SVOPL: variants seen among roughly 807,000 people sequenced by gnomAD.
SVOPL encodes the protein putative transporter SVOPL.
Under a neutral mutation model 61.0 loss-of-function variants are expected in SVOPL, and 60 were observed. The ratio of observed to expected loss-of-function variants is 0.98; its 90% CI spans 0.80 to 1.22. The LOEUF (loss-of-function observed/expected upper bound fraction) is 1.22, where lower values mean the gene tolerates loss of function less well. Among genes scored for constraint, SVOPL ranks in the 50% most tolerant of loss-of-function variants. The probability of loss-of-function intolerance (pLI) is 0.00; values close to 1 mark genes in which losing one functional copy is unlikely to be tolerated. For synonymous variants in SVOPL, 279 were observed against 250.0 expected (o/e 1.12, Z -1.09); for missense variants, 662 against 643.9 (o/e 1.03, Z -0.30).
At chr7:138,641,812 TG>T (rs1352186521) in intron 9 of SVOPL, among the ~76,000 whole-genome samples, 668 of 28,956 alleles carry the variant, frequency 0.023, 5 homozygotes, top group African/African-American at 0.056. Context: ...AATATATATA[TG>T]TTATATATAT....
chr7:138,672,240 C>G (rs978913069), intron 3 of SVOPL, 123 bp from the exon 4 acceptor site: 2 of 808,356 alleles, frequency 2.5e-6, no homozygotes, highest in African/African-American at 3.4e-5. Context: ...CAGGGAGGAT[C>G]TATTGTATAC....
intron 14 of SVOPL, among the ~76,000 whole-genome samples, chr7:138,608,302 C>T (rs1297368414): frequency 1.3e-5 from 2 of 152,144 alleles, no homozygotes; most frequent in East Asian, 3.8e-4. Context: ...TTAGAACAGC[C>T]AGTTTAAAAA....
intron 13 of SVOPL, among the ~76,000 whole-genome samples, chr7:138,622,073 TC>T (rs1390432667): frequency 6.9e-5 from 5 of 72,572 alleles, no homozygotes; most frequent in African/African-American, 2.7e-4. Flanking sequence ...TATCTATGTA[TC>T]TATCTATCTA....
At chr7:138,660,168 G>A (rs1039953268) in intron 5 of SVOPL, 180 bp from the exon 6 acceptor site, 55 of 1,379,080 alleles carry the variant, frequency 4.0e-5, no homozygotes, top group Non-Finnish European at 5.1e-5. Flanking sequence ...CCATTCTACT[G>A]TCTGGAAGCC....
intron 13 of SVOPL, among the ~76,000 whole-genome samples, chr7:138,625,653 A>G (rs1252995449): frequency 6.6e-6 from 1 of 152,220 alleles, no homozygotes; most frequent in Non-Finnish European, 1.5e-5. Flanking sequence ...AAAGAGAGAA[A>G]GGAAATTCTA....
At position 138,644,756 on chromosome 7, in the gene SVOPL, G is replaced by A. The variant is rs553978452; in HGVS notation, c.750C>T (p.Arg250=). Residue 250 remains arginine (R), a synonymous_variant, in exon 9 of 16, where the codon CGC becomes CGT. Coordinates refer to ENST00000674285, the MANE Select transcript of SVOPL (RefSeq NM_001139456.2). ...ATLERVAKMN[R]SVMPEGKLVE... ...CCAGCTTCCCCTCCGGCATGACCGA[G>A]CGGTTCATCTTGGCAACGCGCTCCA... 2.4e-5 allele frequency: 39 copies of A among 1,614,164 alleles called. 1 individual carries two copies. In the South Asian group the frequency reaches 4.1e-4, roughly 17 times the overall value.
chr7:138,606,956 G>C (rs62485282), intron 14 of SVOPL, among the ~76,000 whole-genome samples: 1 of 137,398 alleles, frequency 7.3e-6, no homozygotes, highest in African/African-American at 2.5e-5. Context: ...TCTGTCTCAA[G>C]AAAACAAAAC....
chr7:138,641,926 T>TACAC (rs34233604), intron 9 of SVOPL, among the ~76,000 whole-genome samples: 8 of 146,046 alleles, frequency 5.5e-5, no homozygotes, highest in Admixed American at 2.8e-4. Context: ...TGTATGTGTA[T>TACAC]ACACACACAC....
chr7:138,595,266 A>G (rs1012023785), intron 15 of SVOPL, among the ~76,000 whole-genome samples: 1 of 152,182 alleles, frequency 6.6e-6, no homozygotes, highest in African/African-American at 2.4e-5. Flanking sequence ...TAGAAGCTGT[A>G]TTGGTGTCAG....
chr7:138,661,166 C>G (rs1345929841), intron 5 of SVOPL: 1 of 985,222 alleles, frequency 1.0e-6, no homozygotes. Context: ...TGTGTTTATG[C>G]TCAGAGAGGA....
chr7:138,654,310 G>A (rs898515346), intron 7 of SVOPL, among the ~76,000 whole-genome samples: 2 of 152,066 alleles, frequency 1.3e-5, no homozygotes, highest in Admixed American at 6.6e-5. Flanking sequence ...GAGATAAGAT[G>A]ATGTATATCC....
intron 14 of SVOPL, among the ~76,000 whole-genome samples, chr7:138,608,314 C>G (rs1306778555): frequency 6.6e-6 from 1 of 152,170 alleles, no homozygotes; most frequent in Admixed American, 6.5e-5. Flanking sequence ...GTTTAAAAAA[C>G]GTGCTATAAA....
intron 7 of SVOPL, among the ~76,000 whole-genome samples, chr7:138,649,977 G>A (rs980664343): frequency 5.3e-5 from 8 of 151,866 alleles, no homozygotes; most frequent in South Asian, 4.2e-4. Context: ...CATTATAGGC[G>A]CGTGCCACCA....
chr7:138,603,453 G>A (rs1209817733), intron 14 of SVOPL, among the ~76,000 whole-genome samples: 1 of 152,172 alleles, frequency 6.6e-6, no homozygotes, highest in East Asian at 1.9e-4. Context: ...GAAGGCTGAG[G>A]CAGGTGGATC....
At chr7:138,629,484 C>T (rs1446973576) in intron 10 of SVOPL, among the ~76,000 whole-genome samples, 1 of 152,110 alleles carries the variant, frequency 6.6e-6, no homozygotes, top group Non-Finnish European at 1.5e-5. Flanking sequence ...CCGCCTGTCT[C>T]GGCCTCCCAA....
At chr7:138,596,059 C>T (rs866421193) in intron 15 of SVOPL, among the ~76,000 whole-genome samples, 12 of 151,614 alleles carry the variant, frequency 7.9e-5, no homozygotes, top group Non-Finnish European at 1.6e-4. Context: ...CATGGTGGCA[C>T]GTGCATGTAG....
At chr7:138,675,861 C>T (rs1026325156) in intron 3 of SVOPL, among the ~76,000 whole-genome samples, 3 of 152,104 alleles carry the variant, frequency 2.0e-5, no homozygotes, top group Non-Finnish European at 4.4e-5. Flanking sequence ...CTTCCACCCC[C>T]AAAGTCTTGC....
chr7:138,662,912 C>T (rs1802061468), intron 5 of SVOPL, 162 bp downstream of exon 5: 2 of 1,449,924 alleles, frequency 1.4e-6, no homozygotes, highest in African/African-American at 1.4e-5. Flanking sequence ...AGAAAAATGT[C>T]CAGAAGATAA....
At chr7:138,639,914 G>GTTT (rs71179710) in intron 9 of SVOPL, among the ~76,000 whole-genome samples, 2 of 148,056 alleles carry the variant, frequency 1.4e-5, no homozygotes, top group African/African-American at 5.0e-5. Flanking sequence ...CACTATGCCT[G>GTTT]TTTTTTTTTT....
Sources: allele counts gnomAD v4.1 joint callset (sites outside exome capture counted in the v4.1 genomes callset), GRCh38; gene constraint gnomAD v4.1.1; transcripts MANE v1.5; gene names NCBI Gene and HGNC (gene_info 2026-07-23, HGNC 2026-07-21).